The following RBFOX1 variants were observed in gnomAD, a reference collection of about 807,000 sequenced individuals.
RBFOX1 encodes the protein RNA binding fox-1 homolog 1.
A neutral mutation model predicts 57.7 loss-of-function variants in RBFOX1; 8 were observed. The observed-to-expected ratio is 0.14, with a 90% CI of 0.08 to 0.25. RBFOX1 has a LOEUF of 0.25. Ranked by LOEUF, RBFOX1 falls within the 10% of genes least tolerant of loss-of-function variation. RBFOX1 has a pLI of 1.00. For missense variants in RBFOX1, 611 were observed against 548.5 expected (o/e 1.11, Z -1.14); for synonymous variants, 326 against 222.4 (o/e 1.47, Z -4.15).
intron 4 of RBFOX1, among the ~76,000 whole-genome samples, chr16:7,447,428 C>T (rs1250976403): frequency 1.3e-5 from 1 of 77,994 alleles, no homozygotes; most frequent in South Asian, 6.0e-4. Flanking sequence ...GTGAGTCTAT[C>T]TCAAAAAAAA....
intron 2 of RBFOX1, among the ~76,000 whole-genome samples, chr16:6,621,521 C>A (rs1049767203): frequency 2.0e-5 from 3 of 152,122 alleles, no homozygotes; most frequent in Non-Finnish European, 2.9e-5. Flanking sequence ...TCAGGCTGTA[C>A]CCTAAATCAA....
chr16:5,952,005 GTATA>G (rs752117713), intron 4 of RBFOX1, among the ~76,000 whole-genome samples: 3 of 149,678 alleles, frequency 2.0e-5, no homozygotes, highest in Admixed American at 6.7e-5. Flanking sequence ...ATGTGTGTGT[GTATA>G]TATATATGCA....
chr16:6,616,780 G>T (rs1258828821), intron 2 of RBFOX1, among the ~76,000 whole-genome samples: 1 of 152,206 alleles, frequency 6.6e-6, no homozygotes, highest in Non-Finnish European at 1.5e-5. Context: ...TTTCTGACAA[G>T]AGTGAGCTAC....
chr16:5,631,868 C>A (rs937974955), intron 3 of RBFOX1, among the ~76,000 whole-genome samples: 2 of 152,164 alleles, frequency 1.3e-5, no homozygotes, highest in Non-Finnish European at 2.9e-5. Flanking sequence ...ATTGTAGGAT[C>A]ATTTTCTGGG....
intron 3 of RBFOX1, among the ~76,000 whole-genome samples, chr16:5,814,345 A>G (rs2055543524): frequency 6.6e-6 from 1 of 152,188 alleles, no homozygotes; most frequent in Non-Finnish European, 1.5e-5. Flanking sequence ...TCTAATTTAT[A>G]TGAAGATCTC....
intron 3 of RBFOX1, among the ~76,000 whole-genome samples, chr16:6,725,330 T>G (rs2066949821): frequency 6.6e-6 from 1 of 151,764 alleles, no homozygotes; most frequent in Non-Finnish European, 1.5e-5. Flanking sequence ...GGATTACAGG[T>G]TTGAGCCACC....
intron 2 of RBFOX1, among the ~76,000 whole-genome samples, chr16:6,351,352 GTATA>G (rs1261402122): frequency 1.3e-4 from 12 of 92,472 alleles, no homozygotes; most frequent in African/African-American, 5.0e-4. Context: ...GTGTGTGTGT[GTATA>G]TATATATATA....
intron 3 of RBFOX1, among the ~76,000 whole-genome samples, chr16:6,956,926 C>G (rs749173091): frequency 3.9e-5 from 6 of 152,038 alleles, no homozygotes; most frequent in Middle Eastern, 3.4e-3. Context: ...GGTCCAGATC[C>G]AGACCCCAAG....
intron 2 of RBFOX1, among the ~76,000 whole-genome samples, chr16:6,537,585 G>A (rs573689094): frequency 1.7e-4 from 26 of 152,288 alleles, no homozygotes; most frequent in African/African-American, 5.1e-4. Flanking sequence ...CAGAGACCAC[G>A]CTGAAGTATC....
chr16:5,880,331 T>C (rs2057731610), intron 4 of RBFOX1, among the ~76,000 whole-genome samples: 2 of 152,182 alleles, frequency 1.3e-5, no homozygotes, highest in South Asian at 4.1e-4. Flanking sequence ...TTGACAGATT[T>C]CCTTTGGTAG....
chr16:6,984,515 C>G (rs1435382253), intron 3 of RBFOX1, among the ~76,000 whole-genome samples: 1 of 152,154 alleles, frequency 6.6e-6, no homozygotes, highest in Admixed American at 6.5e-5. Context: ...GTCTCCTCAC[C>G]TTTAGTAGTC....
At chr16:7,504,678 T>C (rs1342641874) in intron 4 of RBFOX1, among the ~76,000 whole-genome samples, 1 of 134,728 alleles carries the variant, frequency 7.4e-6, no homozygotes, top group Admixed American at 7.7e-5. Context: ...AATGAGTTTA[T>C]TACTCTAGCT....
rs34743228 is a variant in RBFOX1 at position 5,956,678 on chromosome 16, A to ATTTT, written c.351+89348_351+89351dup. ...TATATTTATATATATATATATATAT[A>ATTTT]TTTTTTTTGAGGCACAGTCTCATCC... On this transcript the variant is annotated intron_variant, in intron 4 of 19. Coordinates refer to the RBFOX1 transcript ENST00000641259. Among the ~76,000 whole-genome samples the ATTTT allele has an allele frequency of 3.7e-4, 43 of 116,464 alleles. 2 individuals are homozygous for ATTTT. Among genetic ancestry groups the ATTTT allele is most frequent in the South Asian group, 2.6e-3 (10 of 3,812 alleles). 76.4% of individuals were successfully genotyped at this position (116,464 alleles called of 152,430 possible). A position where few individuals can be genotyped will look rare whatever the true frequency, so the allele number is the denominator to read the frequency against.
At chr16:6,032,822 T>C (rs2095309234) in intron 1 of RBFOX1, among the ~76,000 whole-genome samples, 1 of 152,130 alleles carries the variant, frequency 6.6e-6, no homozygotes, top group East Asian at 1.9e-4. Context: ...CTAAATTATC[T>C]GTGTAATATA....
At chr16:6,136,640 T>C (rs577425856) in intron 1 of RBFOX1, among the ~76,000 whole-genome samples, 3 of 152,296 alleles carry the variant, frequency 2.0e-5, no homozygotes, top group Admixed American at 1.3e-4. Context: ...AAAACCTTTA[T>C]GGGGCCCACA....
At chr16:5,926,031 T>C (rs1352748744) in intron 4 of RBFOX1, among the ~76,000 whole-genome samples, 1 of 152,188 alleles carries the variant, frequency 6.6e-6, no homozygotes. Flanking sequence ...GAGGGTTCCC[T>C]TGCTCACTTG....
chr16:7,229,643 GGGAGAGAGAGGGAGGAAGGGCAAAGGAA>G, intron 4 of RBFOX1, among the ~76,000 whole-genome samples: 2 of 111,220 alleles, frequency 1.8e-5, no homozygotes, highest in Admixed American at 9.1e-5. Flanking sequence ...AGGGAAGGAA[GGGAGAGAGAGGGAGGAAGGGCAAAGGAA>G]GTAAGGGAGA....
chr16:6,021,543 A>C (rs972820643), intron 1 of RBFOX1, among the ~76,000 whole-genome samples: 1 of 152,200 alleles, frequency 6.6e-6, no homozygotes, highest in Non-Finnish European at 1.5e-5. Context: ...GCTGACTCAA[A>C]ACCTGTGTCC....
rs914359154 is a variant in RBFOX1 at position 7,121,692 on chromosome 16, G to T, written c.27+69594G>T. On this transcript the variant is annotated intron_variant, in intron 4 of 15. Coordinates refer to ENST00000550418, the MANE Select transcript of RBFOX1 (RefSeq NM_018723.4). ...AGCAGGTATTTTTGTAGCTATAAAC[G>T]TGAAGATTCTAAAAATTATAAGGAA... is the stretch of plus-strand genomic sequence containing the variant. 1.3e-4 allele frequency among the ~76,000 whole-genome samples: 20 copies of T among 151,864 alleles called. No individual in the cohort carries two copies. The East Asian group carries it at 2.5e-3, about 19-fold the overall frequency.
Sources: gnomAD v4.1 joint callset for allele counts (sites outside exome capture counted in the v4.1 genomes callset) on GRCh38, gnomAD v4.1.1 for gene constraint, MANE v1.5 for transcripts, NCBI Gene and HGNC (gene_info 2026-07-23, HGNC 2026-07-21) for gene names.